Variants in GRID2 observed in about 807,000 individuals in gnomAD.
The protein encoded by GRID2 is glutamate ionotropic receptor delta type subunit 2.
A neutral mutation model predicts 114.8 loss-of-function variants in GRID2; 33 were observed. That is an observed-to-expected ratio of 0.29 (90% CI 0.22 to 0.38). GRID2 has a LOEUF of 0.38. GRID2 is among the 10% of genes least tolerant of loss of function. The pLI, the probability that GRID2 is intolerant of heterozygous loss-of-function variation, is 1.00. For missense variants in GRID2, 1,184 were observed against 1,257.7 expected, an observed-to-expected ratio of 0.94 and a Z score of 0.89; for synonymous variants, 505 against 449.9, an observed-to-expected ratio of 1.12 and a Z score of -1.55.
intron 2 of GRID2, among the ~76,000 whole-genome samples, chr4:92,931,723 A>AT (rs1282625196): frequency 6.6e-6 from 1 of 150,864 alleles, no homozygotes; most frequent in Non-Finnish European, 1.5e-5. Context: ...TGATTTGATT[A>AT]TTTTTTATAA....
chr4:93,392,065 T>C (rs528118099), intron 8 of GRID2, among the ~76,000 whole-genome samples: 1 of 152,318 alleles, frequency 6.6e-6, no homozygotes, highest in African/African-American at 2.4e-5. Flanking sequence ...TTTCTTCAGA[T>C]TGCCAGACCA....
intron 2 of GRID2, among the ~76,000 whole-genome samples, chr4:93,055,280 G>A (rs1727117272): frequency 1.3e-5 from 2 of 151,740 alleles, no homozygotes; most frequent in Admixed American, 1.3e-4. Flanking sequence ...CTCTCTCTGT[G>A]GTCTAGCAGT....
At chr4:92,636,881 T>C (rs968136376) in intron 2 of GRID2, among the ~76,000 whole-genome samples, 1 of 152,044 alleles carries the variant, frequency 6.6e-6, no homozygotes, top group South Asian at 2.1e-4. Context: ...ATTGTTTTTT[T>C]TAATTTTATT....
chr4:93,289,085 G>A (rs1196833878), intron 8 of GRID2, among the ~76,000 whole-genome samples: 1 of 152,164 alleles, frequency 6.6e-6, no homozygotes, highest in Non-Finnish European at 1.5e-5. Flanking sequence ...TTTTTTAAAT[G>A]ATAAATTCAT....
chr4:93,110,846 A>G lies in GRID2; in HGVS notation c.628A>G (p.Thr210Ala). 6.2e-7 allele frequency: 1 copy of G among 1,608,972 alleles called. No individual in the cohort carries two copies. The highest frequency in any genetic ancestry group is 8.5e-7 in the Non-Finnish European group (1 of 1,175,404). Residue 210 changes from threonine (T) to alanine (A), a missense_variant, in exon 4 of 16, where the codon ACT becomes GCT. Coordinates refer to ENST00000282020, the MANE Select transcript of GRID2 (RefSeq NM_001510.4). ...AAACAACATCAATAAAATGATTACCACTCTCTTTGACACCATGAGAATAGA... is the reference window on the plus strand; with the variant it reads ...AAACAACATCAATAAAATGATTACCGCTCTCTTTGACACCATGAGAATAGA... Reference protein sequence around the residue: ...VENNINKMITTLFDTMRIEEL... With the variant: ...VENNINKMITALFDTMRIEEL...
chr4:93,786,991 G>C (rs967815193), intron 1 of GRID2, among the ~76,000 whole-genome samples: 3 of 151,902 alleles, frequency 2.0e-5, no homozygotes, highest in South Asian at 4.2e-4. Context: ...ATTAGAGTGT[G>C]AAAACTGTGC....
intron 2 of GRID2, among the ~76,000 whole-genome samples, chr4:92,906,599 T>G (rs1747974975): frequency 6.6e-6 from 1 of 152,182 alleles, no homozygotes; most frequent in African/African-American, 2.4e-5. Flanking sequence ...AAAGACACTT[T>G]TAGGACTTTA....
intron 2 of GRID2, among the ~76,000 whole-genome samples, chr4:92,807,170 G>A (rs1015451788): frequency 6.6e-6 from 1 of 151,800 alleles, no homozygotes. Flanking sequence ...TTGCTTTCTT[G>A]TCATTTGATC....
intron 3 of GRID2, among the ~76,000 whole-genome samples, chr4:93,105,439 A>T (rs969839419): frequency 1.3e-5 from 2 of 152,140 alleles, no homozygotes; most frequent in African/African-American, 4.8e-5. Flanking sequence ...TTATGGTTTT[A>T]GGTCTAACGT....
chr4:92,494,646 A>G (rs1723304343), intron 1 of GRID2, among the ~76,000 whole-genome samples: 1 of 152,126 alleles, frequency 6.6e-6, no homozygotes, highest in Non-Finnish European at 1.5e-5. Flanking sequence ...AATTGCTGGC[A>G]CACATAAACA....
intron 13 of GRID2, among the ~76,000 whole-genome samples, chr4:93,524,632 C>T (rs527505675): frequency 2.0e-5 from 3 of 151,616 alleles, no homozygotes; most frequent in South Asian, 2.1e-4. Context: ...CATTGTGACA[C>T]ATGTAAAGTT....
intron 2 of GRID2, among the ~76,000 whole-genome samples, chr4:92,796,848 C>T (rs1739903854): frequency 6.6e-6 from 1 of 151,902 alleles, no homozygotes; most frequent in South Asian, 2.1e-4. Context: ...TTCACTTGTT[C>T]TCAAATCATG....
At chr4:93,729,220 A>G (rs1730251706) in intron 14 of GRID2, among the ~76,000 whole-genome samples, 1 of 152,090 alleles carries the variant, frequency 6.6e-6, no homozygotes, top group East Asian at 1.9e-4. Context: ...TAATAAGAAT[A>G]TCTGGGAGCT....
At chr4:93,287,803 T>C (rs1271720011) in intron 8 of GRID2, among the ~76,000 whole-genome samples, 1 of 152,196 alleles carries the variant, frequency 6.6e-6, no homozygotes, top group Non-Finnish European at 1.5e-5. Flanking sequence ...TCTGATACTG[T>C]ATTGCCAATT....
chr4:92,541,650 A>T (rs1482505891), intron 1 of GRID2, among the ~76,000 whole-genome samples: 2 of 152,172 alleles, frequency 1.3e-5, no homozygotes, highest in African/African-American at 4.8e-5. Context: ...TGTATAATTA[A>T]TATGAGTGGT....
chr4:93,532,190 A>T (rs1731519245), intron 13 of GRID2, among the ~76,000 whole-genome samples: 1 of 152,168 alleles, frequency 6.6e-6, no homozygotes, highest in African/African-American at 2.4e-5. Flanking sequence ...TGGGATCAAT[A>T]AACTTGGGCT....
chr4:92,717,125 G>A (rs2149314538), intron 2 of GRID2, among the ~76,000 whole-genome samples: 1 of 152,232 alleles, frequency 6.6e-6, no homozygotes, highest in African/African-American at 2.4e-5. Context: ...GTGAATGAGG[G>A]GAGGGTAAAG....
intron 2 of GRID2, among the ~76,000 whole-genome samples, chr4:93,062,597 T>C (rs1727906168): frequency 6.6e-6 from 1 of 152,088 alleles, no homozygotes; most frequent in African/African-American, 2.4e-5. Context: ...TCCTGATTTT[T>C]TTTGTCTTAA....
chr4:93,398,343 A>G (rs1028205659), intron 9 of GRID2, among the ~76,000 whole-genome samples: 1 of 151,324 alleles, frequency 6.6e-6, no homozygotes, highest in African/African-American at 2.4e-5. Context: ...GTGGTTTTAC[A>G]GACAGTAAGT....
Sources: allele counts gnomAD v4.1 joint callset (sites outside exome capture counted in the v4.1 genomes callset), GRCh38; gene constraint gnomAD v4.1.1; transcripts MANE v1.5; gene names NCBI Gene and HGNC (gene_info 2026-07-23, HGNC 2026-07-21).